The following PTGS2 variants were observed in gnomAD, a reference collection of about 807,000 sequenced individuals.
The protein encoded by PTGS2 is prostaglandin G/H synthase 2.
A neutral mutation model predicts 63.8 loss-of-function variants in PTGS2; 14 were observed. That is an observed-to-expected ratio of 0.22 (90% CI 0.14 to 0.34). The LOEUF is 0.34. Among genes scored for constraint, PTGS2 ranks in the 10% least tolerant of loss-of-function variants. The pLI, the probability that PTGS2 is intolerant of heterozygous loss-of-function variation, is 1.00. For missense variants in PTGS2, 533 were observed against 738.5 expected (o/e 0.72, Z 3.23); for synonymous variants, 271 against 259.5 (o/e 1.04, Z -0.43).
At position 186,678,375 on chromosome 1, in the gene PTGS2, T is replaced by C. The variant is rs1451898767; in HGVS notation, c.343A>G (p.Thr115Ala). 3.7e-6 allele frequency: 6 copies of C among 1,610,624 alleles called. No homozygotes were observed. The highest frequency in any genetic ancestry group is 5.1e-6 in the Non-Finnish European group (6 of 1,178,304). Reference protein sequence around the residue: ...SRSHLIDSPPTYNADYGYKSW... With the variant: ...SRSHLIDSPPAYNADYGYKSW... ...TTGTAGCCATAGTCAGCATTGTAAG[T>C]TGGTGGACTGTCAATCAAATGTGAT... is the stretch of plus-strand genomic sequence containing the variant. Residue 115 changes from threonine (T) to alanine (A), a missense_variant, in exon 4 of 10, where the codon ACT (threonine) becomes GCT (alanine). By Grantham distance (58) the Thr-to-Ala change is moderately conservative. Around this residue, in one of 5 missense-constraint regions of PTGS2, gnomAD observed 118 missense variants for 144.6 expected, o/e 0.82. Transcript: ENST00000367468.
At chr1:186,678,604 C>T (rs1665822954) in intron 3 of PTGS2, among the ~76,000 whole-genome samples, 200 bp from the exon 4 acceptor site, 1 of 152,136 alleles carries the variant, frequency 6.6e-6, no homozygotes, top group South Asian at 2.1e-4. Flanking sequence ...ATATACTCTG[C>T]ACATTATAAT....
At chr1:186,678,624 T>C (rs943005464) in intron 3 of PTGS2, among the ~76,000 whole-genome samples, 1 of 152,210 alleles carries the variant, frequency 6.6e-6, no homozygotes, top group African/African-American at 2.4e-5. Context: ...TCTGGCAATA[T>C]TGATTTTTCA....
chr1:186,675,150 C>T (rs4648283), intron 9 of PTGS2, 99 bp downstream of exon 9: 28,124 of 1,491,240 alleles, frequency 0.019, 328 homozygotes, highest in Non-Finnish European at 0.022. Flanking sequence ...GCACTCCAGC[C>T]TGGGTGACAG....
Position 186,677,770 on chromosome 1 carries a change from A to G in PTGS2, c.518T>C (p.Phe173Ser), listed in dbSNP as rs1393906666. 6.2e-7 allele frequency: 1 copy of G among 1,613,740 alleles called. No individual in the cohort carries two copies. The highest frequency in any genetic ancestry group is 8.5e-7 in the Non-Finnish European group (1 of 1,179,952). The part of the protein sequence containing the change: ...IVEKLLLRRK[F>S]IPDPQGSNMM... The stretch of plus-strand genomic sequence containing the variant: ...GTTTGAGCCCTGGGGATCAGGGATG[A>G]ACTTTCTTCTTAGAAGCAATTTTTC... The change falls in exon 5 of 10, where the codon TTC becomes TCC. Residue 173 changes from phenylalanine to serine, a missense_variant. Phe to Ser is a radical substitution (Grantham distance 155). Coordinates refer to ENST00000367468, the MANE Select transcript of PTGS2 (RefSeq NM_000963.4).
intron 1 of PTGS2, 56 bp from the exon 2 acceptor site, chr1:186,679,494 A>T: frequency 7.8e-7 from 1 of 1,277,292 alleles, no homozygotes; most frequent in Non-Finnish European, 1.1e-6. Context: ...CTTAATTTAA[A>T]CATTTAATTG....
At position 186,678,255 on chromosome 1, in the gene PTGS2, A is replaced by G; in HGVS notation, c.457+6T>C. ...AATACATCTCTAATGGATTCTTCTTACTCACCTTTGACACCCAAGGGAGTC... is the reference window on the plus strand; with the variant it reads ...AATACATCTCTAATGGATTCTTCTTGCTCACCTTTGACACCCAAGGGAGTC... On this transcript the variant is annotated splice_donor_region_variant and intron_variant, in intron 4 of 9. Coordinates refer to ENST00000367468, the MANE Select transcript of PTGS2 (RefSeq NM_000963.4). 1 of 1,598,104 alleles carries G rather than the reference A, an allele frequency of 6.3e-7. No individual in the cohort carries two copies. The highest frequency in any genetic ancestry group is 8.5e-7 in the Non-Finnish European group (1 of 1,173,998).
Position 186,680,329 on chromosome 1 carries a change from G to T in PTGS2, c.-39C>A. 6.7e-7 allele frequency: 1 copy of T among 1,487,088 alleles called. No homozygotes were observed. The highest frequency in any genetic ancestry group is 9.1e-7 in the Non-Finnish European group (1 of 1,103,394). 92.1% of individuals were successfully genotyped at this position (1,487,088 alleles called of 1,614,324 possible). ...AGGGCGCGGCGCGGGGGTAGGCTTT[G>T]CTGTCTGAGGGCGTCTGGCTGTGGA... On this transcript the variant is annotated 5_prime_UTR_variant, in exon 1 of 10. Transcript: ENST00000367468.
At position 186,676,685 on chromosome 1, in the gene PTGS2, G is replaced by A. The variant is rs1318781700; in HGVS notation, c.752C>T (p.Thr251Ile). The A allele has an allele frequency of 5.6e-6, 9 of 1,613,514 alleles. No individual in the cohort carries two copies. Among genetic ancestry groups the A allele is most frequent in the Non-Finnish European group, 6.8e-6 (8 of 1,179,650 alleles). The change falls in exon 7 of 10, where the codon ACA (threonine) becomes ATA (isoleucine). Residue 251 changes from threonine to isoleucine, a missense_variant. Transcript: ENST00000367468. ...CATCTCTGCCTGAGTATCTTTGACT[G>A]TGGGAGGATACATCTCTCCATCAAT... is the stretch of plus-strand genomic sequence containing the variant. ...QIIDGEMYPP[T>I]VKDTQAEMIY...
Position 186,678,415 on chromosome 1 carries a change from C to A in PTGS2, c.314-11G>T. On this transcript the variant is annotated splice_polypyrimidine_tract_variant and intron_variant, in intron 3 of 9. Transcript: ENST00000367468. ...TCAAATGTGATCTGGCTGAAATTTTCAAAGAAAAAAATGTTTTATTTATTC... is the reference window on the plus strand; with the variant it reads ...TCAAATGTGATCTGGCTGAAATTTTAAAAGAAAAAAATGTTTTATTTATTC... 3.8e-6 allele frequency: 6 copies of A among 1,566,534 alleles called. No individual in the cohort carries two copies. The highest frequency in any genetic ancestry group is 2.0e-5 in the Admixed American group (1 of 50,598).
In PTGS2 at chr1:186,671,994, T is replaced by TAA. The variant is rs559089418; in HGVS notation, c.*2357_*2358dup. On this transcript the variant is annotated 3_prime_UTR_variant, in exon 10 of 10. Transcript: ENST00000367468. ...TTAATAACAAATCAAGTTTTTTTTT[T>TAA]AAAAAAAACAGTGAACAGTGTTTTA... 8 of 145,902 alleles carry TAA rather than the reference T, an allele frequency of 5.5e-5. No homozygotes were observed. Among genetic ancestry groups the TAA allele is most frequent in the African/African-American group, 2.2e-4 (8 of 36,054 alleles). The allele number at this position is 145,902 out of a possible 1,614,324, so 9.0% of individuals were successfully genotyped here.
At chr1:186,677,343 T>C (rs1472273704) in intron 5 of PTGS2, among the ~76,000 whole-genome samples, 1 of 152,178 alleles carries the variant, frequency 6.6e-6, no homozygotes, top group Non-Finnish European at 1.5e-5. Flanking sequence ...TTTGAGGACA[T>C]AACATTTTGC....
chr1:186,674,890 G>T (rs1251047219), intron 9 of PTGS2, 128 bp from the exon 10 acceptor site: 1 of 1,179,782 alleles, frequency 8.5e-7, no homozygotes. Context: ...CTTTTAAGAA[G>T]TTTAGGGGCC....
intron 8 of PTGS2, 106 bp downstream of exon 8, chr1:186,675,792 T>C: frequency 4.3e-6 from 5 of 1,160,024 alleles, no homozygotes; most frequent in Non-Finnish European, 5.9e-6. Context: ...TTACTAGCAA[T>C]ATAACTAACT....
rs561296949 is a variant in PTGS2 at position 186,674,937 on chromosome 1, G to C, written c.1406-175C>G. Reference sequence around the variant, plus strand: ...CTCACGCCTGTAATCCCAGCACTTCGGGAGGCCGAAGCCGGCGGATCACTA... The same window carrying C: ...CTCACGCCTGTAATCCCAGCACTTCCGGAGGCCGAAGCCGGCGGATCACTA... On this transcript the variant is annotated intron_variant, in intron 9 of 9. Coordinates refer to ENST00000367468, the MANE Select transcript of PTGS2 (RefSeq NM_000963.4). 5.9e-5 allele frequency among the ~76,000 whole-genome samples: 9 copies of C among 152,328 alleles called. No individual in the cohort carries two copies. In the South Asian group the frequency reaches 1.7e-3, roughly 28 times the overall value.
In PTGS2 at chr1:186,674,369, C is replaced by A. The variant is rs201299558; in HGVS notation, c.1799G>T (p.Arg600Leu). ...DINPTVLLKERSTEL is the reference protein window; with the variant it reads ...DINPTVLLKELSTEL ...ATTAGACTTCTACAGTTCAGTCGAA[C>A]GTTCTTTTAGTAGTACTGTGGGATT... The change falls in exon 10 of 10, where the codon CGT becomes CTT. Residue 600 changes from arginine to leucine, a missense_variant. By Grantham distance (102) the Arg-to-Leu change is moderately radical (BLOSUM62 -2). This residue lies in a region of PTGS2 where 219 missense variants were observed against 267.4 expected (regional missense o/e 0.82). Transcript: ENST00000367468. The A allele has an allele frequency of 6.2e-7, 1 of 1,609,492 alleles. No individual in the cohort carries two copies. Among genetic ancestry groups the A allele is most frequent in the Non-Finnish European group, 8.5e-7 (1 of 1,176,856 alleles).
chr1:186,676,331 T>C, intron 7 of PTGS2, 136 bp downstream of exon 7: 1 of 1,380,818 alleles, frequency 7.2e-7, no homozygotes, highest in East Asian at 2.3e-5. Flanking sequence ...TTATCAGTCA[T>C]GCTTACATAT....
chr1:186,676,812 T>C (rs199862217), intron 6 of PTGS2, 21 bp downstream of exon 6: 1 of 1,607,850 alleles, frequency 6.2e-7, no homozygotes, highest in Admixed American at 1.7e-5. Context: ...AACTAAGTCT[T>C]AATAGTCAAA....
In PTGS2 at chr1:186,672,071, A is replaced by G. The variant is rs905607000; in HGVS notation, c.*2282T>C. 1 of 152,036 alleles carries G rather than the reference A, an allele frequency of 6.6e-6. No individual in the cohort carries two copies. The highest frequency in any genetic ancestry group is 2.4e-5 in the African/African-American group (1 of 41,428). The allele number at this position is 152,036 out of a possible 1,614,324, so 9.4% of individuals were successfully genotyped here. ...TAACCTTAAACATTCTAAACGTAAAATTGTAAAGAAGATTCTCCTGAGTTA... is the reference window on the plus strand; with the variant it reads ...TAACCTTAAACATTCTAAACGTAAAGTTGTAAAGAAGATTCTCCTGAGTTA... On this transcript the variant is annotated 3_prime_UTR_variant, in exon 10 of 10. Coordinates refer to ENST00000367468, the MANE Select transcript of PTGS2 (RefSeq NM_000963.4).
chr1:186,675,671 A>G (rs1235096736), intron 8 of PTGS2: 3 of 612,480 alleles, frequency 4.9e-6, no homozygotes, highest in Non-Finnish European at 8.1e-6. Context: ...TACTTTTTGA[A>G]AATATTTTTA....
Sources: allele counts gnomAD v4.1 joint callset (sites outside exome capture counted in the v4.1 genomes callset), GRCh38; gene constraint gnomAD v4.1.1; regional missense constraint gnomAD v4.1.1; transcripts MANE v1.5; gene names NCBI Gene and HGNC (gene_info 2026-07-23, HGNC 2026-07-21).